Variants in SLC44A1 observed in about 807,000 individuals in gnomAD.
SLC44A1 encodes choline transporter-like protein 1.
SLC44A1 carries 26 observed loss-of-function variants against 79.3 expected under a neutral mutation model. The ratio of observed to expected loss-of-function variants is 0.33; its 90% CI spans 0.24 to 0.46. The LOEUF (loss-of-function observed/expected upper bound fraction) is 0.46. Among genes scored for constraint, SLC44A1 ranks in the 20% least tolerant of loss-of-function variants. The pLI, the probability that SLC44A1 is intolerant of heterozygous loss-of-function variation, is 1.00. For missense variants in SLC44A1, 688 were observed against 798.1 expected (o/e 0.86, Z 1.66); for synonymous variants, 263 against 286.2 (o/e 0.92, Z 0.82).
intron 12 of SLC44A1, among the ~76,000 whole-genome samples, chr9:105,372,412 C>G (rs377572209): frequency 6.6e-6 from 1 of 151,888 alleles, no homozygotes. Context: ...CCTCAGCCTC[C>G]GAGTAGCCGG....
At chr9:105,310,007 T>G (rs1287209673) in intron 3 of SLC44A1, 141 bp downstream of exon 3, 1 of 804,326 alleles carries the variant, frequency 1.2e-6, no homozygotes, top group Non-Finnish European at 1.9e-6. Flanking sequence ...TTGATTTTTT[T>G]TCACTGAACC....
At chr9:105,358,787 A>C (rs1827696971) in intron 7 of SLC44A1, among the ~76,000 whole-genome samples, 1 of 151,904 alleles carries the variant, frequency 6.6e-6, no homozygotes, top group Admixed American at 6.6e-5. Flanking sequence ...CTTGAAATTC[A>C]TTCTTTCTTG....
intron 13 of SLC44A1, among the ~76,000 whole-genome samples, chr9:105,380,150 A>G (rs928586245): frequency 3.3e-5 from 5 of 152,186 alleles, no homozygotes; most frequent in Admixed American, 6.5e-5. Flanking sequence ...TGTCTCTTTT[A>G]AAGATGGAAA....
At position 105,316,355 on chromosome 9, in the gene SLC44A1, G is replaced by A. The variant is rs186158685; in HGVS notation, c.269+6489G>A. Among the ~76,000 whole-genome samples, 5 of 152,228 alleles carry A rather than the reference G, an allele frequency of 3.3e-5. No homozygotes were observed. The East Asian group carries it at 9.6e-4, about 29-fold the overall frequency. Reference sequence around the variant, plus strand: ...ATGATGCTGTAGAAGTATGTCCATAGCATGCAATATATGCATAACATTATT... The same window carrying A: ...ATGATGCTGTAGAAGTATGTCCATAACATGCAATATATGCATAACATTATT... On this transcript the variant is annotated intron_variant, in intron 3 of 15. Transcript: ENST00000374720.
Position 105,393,762 on chromosome 9 carries a change from G to C in SLC44A1, c.*4706G>C. The C allele has an allele frequency of 1.0e-6, 1 of 985,318 alleles. No homozygotes were observed. Among genetic ancestry groups the C allele is most frequent in the Middle Eastern group, 5.2e-4 (1 of 1,914 alleles). 61.0% of individuals were successfully genotyped at this position (985,318 alleles called of 1,614,324 possible). A position where few individuals can be genotyped will look rare whatever the true frequency, so the allele number is the denominator to read the frequency against. On this transcript the variant is annotated 3_prime_UTR_variant, in exon 16 of 16. Transcript: ENST00000374720. ...TCTAAGGAAATTCGTTAGTAAATTT[G>C]TGAAAAACATGTGAGATTGTTCGAG...
intron 7 of SLC44A1, among the ~76,000 whole-genome samples, chr9:105,360,031 G>C (rs1259790242): frequency 6.6e-6 from 1 of 152,030 alleles, no homozygotes; most frequent in African/African-American, 2.4e-5. Context: ...TTTTTTCACT[G>C]TGACCTACAA....
chr9:105,335,720 A>T, intron 4 of SLC44A1, 21 bp downstream of exon 4: 1 of 1,606,992 alleles, frequency 6.2e-7, no homozygotes, highest in Non-Finnish European at 8.5e-7. Context: ...AGGCCATCCA[A>T]ATCTATGTCC....
chr9:105,309,701 G>GT (rs1437104905), intron 2 of SLC44A1, 23 bp from the exon 3 acceptor site: 2 of 1,611,292 alleles, frequency 1.2e-6, no homozygotes, highest in African/African-American at 1.3e-5. Flanking sequence ...TTATTTGTAT[G>GT]TTTTTTTCTG....
At chr9:105,387,038 C>CG (rs1828645466) in intron 15 of SLC44A1, among the ~76,000 whole-genome samples, 1 of 21,794 alleles carries the variant, frequency 4.6e-5, no homozygotes, top group Non-Finnish European at 8.5e-5. Context: ...GACTCCATCT[C>CG]AAAAAAAAAA....
At chr9:105,300,699 C>T (rs947727356) in intron 2 of SLC44A1, among the ~76,000 whole-genome samples, 1 of 151,820 alleles carries the variant, frequency 6.6e-6, no homozygotes, top group African/African-American at 2.4e-5. Flanking sequence ...AGATATTGCT[C>T]AAAAGTTTAC....
chr9:105,266,853 G>A (rs572434072), intron 1 of SLC44A1, among the ~76,000 whole-genome samples: 2 of 152,268 alleles, frequency 1.3e-5, no homozygotes, highest in African/African-American at 2.4e-5. Flanking sequence ...ATTTTGCTGC[G>A]ATTTTGATTT....
intron 1 of SLC44A1, among the ~76,000 whole-genome samples, chr9:105,297,790 C>T (rs1296260245): frequency 6.6e-6 from 1 of 152,154 alleles, no homozygotes; most frequent in Non-Finnish European, 1.5e-5. Context: ...TGGTTGCACT[C>T]TATATATACT....
intron 1 of SLC44A1, among the ~76,000 whole-genome samples, chr9:105,260,760 G>T (rs575208423): frequency 6.6e-6 from 1 of 152,246 alleles, no homozygotes; most frequent in Non-Finnish European, 1.5e-5. Context: ...AGCAAGAAGG[G>T]GAGCTATGAT....
rs537176878 is a variant in SLC44A1 at position 105,290,323 on chromosome 9, A to C, written c.37-8897A>C. ...GGTCTATCAGTCTGTCCTTGGTATC[A>C]TCAAGTACTGAAGAAATTCTGACCC... On this transcript the variant is annotated intron_variant, in intron 1 of 15. Transcript: ENST00000374720. Among the ~76,000 whole-genome samples, 4 of 152,330 alleles carry C rather than the reference A, an allele frequency of 2.6e-5. 1 individual carries two copies. The South Asian group carries it at 6.2e-4, about 24-fold the overall frequency.
At chr9:105,360,320 A>T (rs1055531606) in intron 7 of SLC44A1, among the ~76,000 whole-genome samples, 7 of 151,828 alleles carry the variant, frequency 4.6e-5, no homozygotes, top group Admixed American at 4.6e-4. Context: ...CTACCCAGAC[A>T]CTCTATATCC....
At chr9:105,399,286 G>C (rs1203286085), downstream of SLC44A1, among the ~76,000 whole-genome samples, 2 of 152,164 alleles carry the variant, frequency 1.3e-5, no homozygotes, top group East Asian at 1.9e-4. Flanking sequence ...GTACTTACAA[G>C]CTCCCTGGCC....
intron 5 of SLC44A1, among the ~76,000 whole-genome samples, chr9:105,355,286 A>G (rs1827586655): frequency 6.6e-6 from 1 of 152,240 alleles, no homozygotes; most frequent in African/African-American, 2.4e-5. Context: ...TTGTAACAAA[A>G]CAGGTTAATG....
rs1030097710 is a variant in SLC44A1, at chr9:105,390,142, A to T, written c.*1086A>T. 1 of 1,227,922 alleles carries T rather than the reference A, an allele frequency of 8.1e-7. No homozygotes were observed. The highest frequency in any genetic ancestry group is 1.6e-5 in the African/African-American group (1 of 64,114). The allele number at this position is 1,227,922 out of a possible 1,614,324, so 76.1% of individuals were successfully genotyped here. On this transcript the variant is annotated 3_prime_UTR_variant, in exon 16 of 16. Coordinates refer to ENST00000374720, the MANE Select transcript of SLC44A1 (RefSeq NM_080546.5). ...AACTGAAGAATTGGCTAATGTTTTG[A>T]TCCTCCAGTGTGACTGTTGTTTTTG... is the stretch of plus-strand genomic sequence containing the variant.
intron 2 of SLC44A1, among the ~76,000 whole-genome samples, 164 bp downstream of exon 2, chr9:105,299,473 T>C (rs1830819030): frequency 1.3e-5 from 2 of 152,234 alleles, no homozygotes; most frequent in African/African-American, 4.8e-5. Flanking sequence ...TGAGCTCAAA[T>C]TAAGGAGCAG....
Sources: gnomAD v4.1 joint callset for allele counts (sites outside exome capture counted in the v4.1 genomes callset) on GRCh38, gnomAD v4.1.1 for gene constraint, MANE v1.5 for transcripts, NCBI Gene and HGNC (gene_info 2026-07-23, HGNC 2026-07-21) for gene names.